The following ANO10 variants were observed in gnomAD, a reference collection of about 807,000 sequenced individuals.
The protein encoded by ANO10 is anoctamin-10.
A neutral mutation model predicts 74.7 loss-of-function variants in ANO10; 77 were observed. That is an observed-to-expected ratio of 1.03 (90% CI 0.86 to 1.25). The LOEUF is 1.25. Among genes scored for constraint, ANO10 ranks in the 50% most tolerant of loss-of-function variants. The pLI is 0.00. For synonymous variants in ANO10, 279 were observed against 284.9 expected (o/e 0.98, Z 0.21); for missense variants, 721 against 778.1 (o/e 0.93, Z 0.87).
intron 5 of ANO10, among the ~76,000 whole-genome samples, chr3:43,578,749 C>CA (rs56186109): frequency 0.13 from 8,414 of 64,204 alleles, 2,398 homozygotes; most frequent in East Asian, 0.41. Flanking sequence ...GACTCCATCT[C>CA]AAAAAAAAAA....
intron 11 of ANO10, among the ~76,000 whole-genome samples, chr3:43,512,412 G>A (rs1178765457): frequency 2.0e-5 from 3 of 152,066 alleles, no homozygotes; most frequent in Non-Finnish European, 2.9e-5. Context: ...AATGACTTAC[G>A]CTTCATAACA....
chr3:43,566,327 G>T lies in ANO10; in HGVS notation c.1219-600C>A, dbSNP rs1360783270. ...AGCTGGGAAGCTCGAACTGGGTGGA[G>T]CCCACCACAGCTGAAGGAGGCCTGC... is the stretch of plus-strand genomic sequence containing the variant. On this transcript the variant is annotated intron_variant, in intron 7 of 12. Coordinates refer to ENST00000292246, the MANE Select transcript of ANO10 (RefSeq NM_018075.5). Among the ~76,000 whole-genome samples, 4 of 152,378 alleles carry T rather than the reference G, an allele frequency of 2.6e-5. No individual in the cohort carries two copies. The East Asian group carries it at 5.8e-4, about 22-fold the overall frequency.
chr3:43,627,116 G>C (rs1305187324), intron 1 of ANO10, among the ~76,000 whole-genome samples: 1 of 152,168 alleles, frequency 6.6e-6, no homozygotes. Context: ...AAGTGACAAG[G>C]CCACCATCCA....
intron 11 of ANO10, among the ~76,000 whole-genome samples, chr3:43,475,061 T>C (rs2076012944): frequency 6.6e-6 from 1 of 152,212 alleles, no homozygotes; most frequent in African/African-American, 2.4e-5. Flanking sequence ...GGATTATATC[T>C]GCCCAGGCCA....
intron 11 of ANO10, among the ~76,000 whole-genome samples, chr3:43,472,924 C>T (rs2149062240): frequency 6.6e-6 from 1 of 152,174 alleles, no homozygotes; most frequent in East Asian, 1.9e-4. Context: ...TCTGTATGGT[C>T]TGTATGTGCA....
intron 11 of ANO10, among the ~76,000 whole-genome samples, chr3:43,437,013 C>T (rs1157167255): frequency 1.3e-5 from 2 of 152,086 alleles, no homozygotes; most frequent in Non-Finnish European, 2.9e-5. Context: ...GTATCCTCTG[C>T]TGATTACTAG....
At chr3:43,386,302 G>A (rs2092113629) in intron 12 of ANO10, among the ~76,000 whole-genome samples, 1 of 151,884 alleles carries the variant, frequency 6.6e-6, no homozygotes, top group Non-Finnish European at 1.5e-5. Flanking sequence ...AAGGAAAGAA[G>A]AAAGGAGGGA....
At chr3:43,579,775 C>T (rs965421707) in intron 5 of ANO10, among the ~76,000 whole-genome samples, 3 of 152,124 alleles carry the variant, frequency 2.0e-5, no homozygotes, top group South Asian at 4.1e-4. Context: ...CTCTGACACA[C>T]ATTCAGGAAG....
chr3:43,432,850 C>T, intron 11 of ANO10, 123 bp from the exon 12 acceptor site: 1 of 719,668 alleles, frequency 1.4e-6, no homozygotes, highest in Non-Finnish European at 2.4e-6. Flanking sequence ...AAGTATTGGC[C>T]TGTGAAGTAT....
intron 1 of ANO10, among the ~76,000 whole-genome samples, chr3:43,614,059 G>A (rs763084284): frequency 1.3e-5 from 2 of 152,046 alleles, no homozygotes; most frequent in Non-Finnish European, 2.9e-5. Context: ...AACTATGCGT[G>A]AAAAAAATAG....
intron 11 of ANO10, among the ~76,000 whole-genome samples, chr3:43,512,407 C>G (rs916145798): frequency 5.3e-5 from 8 of 152,152 alleles, no homozygotes; most frequent in Admixed American, 4.6e-4. Context: ...AAAATAATGA[C>G]TTACGCTTCA....
intron 11 of ANO10, among the ~76,000 whole-genome samples, chr3:43,521,208 AGGTACCCTTTT>A (rs1386541458): frequency 4.6e-5 from 7 of 152,158 alleles, no homozygotes; most frequent in African/African-American, 1.7e-4. Flanking sequence ...TGGTAAGGGG[AGGTACCCTTTT>A]TCTTGTTCCC....
At chr3:43,678,832 T>G (rs539013484) in intron 1 of ANO10, among the ~76,000 whole-genome samples, 1 of 152,230 alleles carries the variant, frequency 6.6e-6, no homozygotes, top group African/African-American at 2.4e-5. Flanking sequence ...CTTTTCTTTA[T>G]GGAAAATATT....
intron 2 of ANO10, among the ~76,000 whole-genome samples, chr3:43,603,014 T>G (rs538941692): frequency 8.5e-5 from 13 of 152,248 alleles, no homozygotes; most frequent in Non-Finnish European, 1.6e-4. Context: ...CACAGTATGG[T>G]TAAGTCATCC....
chr3:43,682,942 G>A lies in ANO10; in HGVS notation c.-12+8575C>T, dbSNP rs1243864285. Among the ~76,000 whole-genome samples the A allele has an allele frequency of 2.6e-5, 4 of 152,100 alleles. No individual in the cohort carries two copies. The South Asian group carries it at 6.2e-4, about 24-fold the overall frequency. On this transcript the variant is annotated intron_variant, in intron 1 of 3. Coordinates refer to the ANO10 transcript ENST00000413397. ...GACGGGACATATCTCAAAATAATAA[G>A]AGCTATCTATGACAAATCCACAGCC...
chr3:43,511,981 C>T (rs2077524550), intron 11 of ANO10, among the ~76,000 whole-genome samples: 1 of 152,152 alleles, frequency 6.6e-6, no homozygotes, highest in Non-Finnish European at 1.5e-5. Flanking sequence ...AGAGTCTTGT[C>T]ATCTAAACCC....
chr3:43,669,619 A>AT (rs1477460630), intron 1 of ANO10, among the ~76,000 whole-genome samples: 2 of 152,084 alleles, frequency 1.3e-5, no homozygotes, highest in Non-Finnish European at 2.9e-5. Flanking sequence ...AAAAGAGTTG[A>AT]TTTTTCAGAT....
chr3:43,567,003 T>C (rs2080394040), intron 7 of ANO10, among the ~76,000 whole-genome samples: 1 of 152,068 alleles, frequency 6.6e-6, no homozygotes, highest in Non-Finnish European at 1.5e-5. Context: ...CTGATGGAGC[T>C]GAAAACCAAG....
intron 7 of ANO10, among the ~76,000 whole-genome samples, chr3:43,573,404 C>A (rs1022430396): frequency 1.3e-5 from 2 of 152,096 alleles, no homozygotes; most frequent in Non-Finnish European, 2.9e-5. Context: ...ATCTAAACAC[C>A]CTCATGATGG....
Sources: gnomAD v4.1 joint callset for allele counts (sites outside exome capture counted in the v4.1 genomes callset) on GRCh38, gnomAD v4.1.1 for gene constraint, MANE v1.5 for transcripts, NCBI Gene and HGNC (gene_info 2026-07-23, HGNC 2026-07-21) for gene names.